The following SCAPER variants were observed in gnomAD, a reference collection of about 807,000 sequenced individuals.
The protein encoded by SCAPER is S-phase cyclin A associated protein in the ER.
A neutral mutation model predicts 182.2 loss-of-function variants in SCAPER; 98 were observed. The ratio of observed to expected loss-of-function variants is 0.54; its 90% CI spans 0.46 to 0.64. The LOEUF (loss-of-function observed/expected upper bound fraction) is 0.64, where lower values mean the gene tolerates loss of function less well. Among genes scored for constraint, SCAPER ranks in the 30% least tolerant of loss-of-function variants. The pLI, the probability that SCAPER is intolerant of heterozygous loss-of-function variation, is 0.00. For synonymous variants in SCAPER, 605 were observed against 564.6 expected (o/e 1.07, Z -1.01); for missense variants, 1,432 against 1,690.0 (o/e 0.85, Z 2.68).
intron 23 of SCAPER, among the ~76,000 whole-genome samples, chr15:76,571,846 A>G (rs1379710387): frequency 1.3e-5 from 2 of 152,204 alleles, no homozygotes; most frequent in Non-Finnish European, 1.5e-5. Context: ...GACTGAAATC[A>G]TAAATATCAT....
rs541341282 is a variant in SCAPER, at chr15:76,793,736, C to T, written c.772+1544G>A. 7.6e-4 allele frequency among the ~76,000 whole-genome samples: 116 copies of T among 152,228 alleles called. 1 individual carries two copies. Among genetic ancestry groups the T allele is most frequent in the African/African-American group, 2.6e-3 (110 of 41,524 alleles). On this transcript the variant is annotated intron_variant, in intron 8 of 31. Coordinates refer to ENST00000563290, the MANE Select transcript of SCAPER (RefSeq NM_020843.4). The stretch of plus-strand genomic sequence containing the variant: ...ATGTGTTTCCCTGACTTCTGTGAGC[C>T]ACTCTAGCAAATTAATCAAATCCAA...
In SCAPER at chr15:76,657,460, A is replaced by T. The variant is rs77861266; in HGVS notation, c.2645+8193T>A. On this transcript the variant is annotated intron_variant, in intron 21 of 31. Coordinates refer to ENST00000563290, the MANE Select transcript of SCAPER (RefSeq NM_020843.4). ...ACCAGATTTAGAGCCAGATTCCACCAAATGTATAAAGAAGAGCTGGTACTA... is the reference window on the plus strand; with the variant it reads ...ACCAGATTTAGAGCCAGATTCCACCTAATGTATAAAGAAGAGCTGGTACTA... Among the ~76,000 whole-genome samples the T allele has an allele frequency of 2.6e-3, 396 of 152,054 alleles. 2 individuals carry two copies. Among genetic ancestry groups the T allele is most frequent in the African/African-American group, 9.2e-3 (380 of 41,510 alleles).
chr15:76,579,577 A>C (rs1029188885), intron 22 of SCAPER, among the ~76,000 whole-genome samples: 6 of 152,016 alleles, frequency 3.9e-5, no homozygotes, highest in Admixed American at 1.3e-4. Context: ...ACACATTGCT[A>C]AAGAAAAATC....
intron 5 of SCAPER, among the ~76,000 whole-genome samples, chr15:76,812,126 C>T (rs1272464591): frequency 6.6e-6 from 1 of 151,966 alleles, no homozygotes; most frequent in East Asian, 1.9e-4. Context: ...CCAACCTGAC[C>T]AGTATGGTGA....
At chr15:76,574,311 T>C (rs1265999242) in intron 22 of SCAPER, 27 bp from the exon 23 acceptor site, 4 of 1,604,592 alleles carry the variant, frequency 2.5e-6, no homozygotes, top group African/African-American at 1.3e-5. Context: ...AAGGAAAGAA[T>C]GACATTAATG....
intron 25 of SCAPER, among the ~76,000 whole-genome samples, chr15:76,461,365 G>T (rs2049161972): frequency 6.6e-6 from 1 of 151,024 alleles, no homozygotes. Context: ...ATTATTTTGT[G>T]GGAAATTATT....
At chr15:76,533,366 A>T (rs1440939579) in intron 23 of SCAPER, among the ~76,000 whole-genome samples, 1 of 152,108 alleles carries the variant, frequency 6.6e-6, no homozygotes, top group Admixed American at 6.5e-5. Flanking sequence ...TATCTTTTCT[A>T]TGTTTAGATA....
At chr15:76,704,364 TG>T (rs1344515838) in intron 18 of SCAPER, among the ~76,000 whole-genome samples, 2 of 152,220 alleles carry the variant, frequency 1.3e-5, no homozygotes, top group African/African-American at 2.4e-5. Context: ...TTGTGGCCAT[TG>T]CTTTTGGTGT....
At chr15:76,715,697 G>A (rs1567896042) in intron 17 of SCAPER, among the ~76,000 whole-genome samples, 1 of 152,006 alleles carries the variant, frequency 6.6e-6, no homozygotes, top group Non-Finnish European at 1.5e-5. Flanking sequence ...AGTTGGTTCT[G>A]GATCCCAAAT....
intron 14 of SCAPER, among the ~76,000 whole-genome samples, chr15:76,763,058 T>C (rs188513056): frequency 6.6e-6 from 1 of 152,348 alleles, no homozygotes; most frequent in East Asian, 1.9e-4. Flanking sequence ...GAGCTTTACA[T>C]ACTTTCCTTC....
At chr15:76,606,365 A>T (rs1315460124) in intron 22 of SCAPER, among the ~76,000 whole-genome samples, 5 of 152,112 alleles carry the variant, frequency 3.3e-5, no homozygotes. Context: ...TTCTAGTTTG[A>T]CTGCACTGTG....
intron 27 of SCAPER, among the ~76,000 whole-genome samples, chr15:76,387,653 G>C (rs1397034540): frequency 6.6e-6 from 1 of 152,186 alleles, no homozygotes; most frequent in African/African-American, 2.4e-5. Flanking sequence ...ATAGTCACCA[G>C]TAGGGTAAGA....
intron 8 of SCAPER, among the ~76,000 whole-genome samples, chr15:76,791,524 T>C (rs146492144): frequency 1.5e-3 from 234 of 152,136 alleles, no homozygotes; most frequent in African/African-American, 2.5e-3. Flanking sequence ...GAAACAGATA[T>C]TAGAATTCAG....
At chr15:76,881,161 T>C (rs1027030042) in intron 2 of SCAPER, among the ~76,000 whole-genome samples, 2 of 152,220 alleles carry the variant, frequency 1.3e-5, no homozygotes, top group Non-Finnish European at 2.9e-5. Flanking sequence ...AGTGATATGA[T>C]CATGGCTCAC....
intron 5 of SCAPER, among the ~76,000 whole-genome samples, chr15:76,825,346 A>C (rs2067916922): frequency 6.6e-6 from 1 of 152,190 alleles, no homozygotes; most frequent in South Asian, 2.1e-4. Context: ...AACAGCCAGC[A>C]CAAATACCAC....
intron 2 of SCAPER, among the ~76,000 whole-genome samples, chr15:76,866,726 T>C (rs550947854): frequency 6.6e-4 from 100 of 152,286 alleles, no homozygotes; most frequent in South Asian, 2.1e-4. Context: ...AAAATGTCAG[T>C]AGTAATGTAA....
At chr15:76,489,628 A>T (rs887267749) in intron 24 of SCAPER, among the ~76,000 whole-genome samples, 1 of 152,016 alleles carries the variant, frequency 6.6e-6, no homozygotes, top group Non-Finnish European at 1.5e-5. Context: ...TTAAAATTTT[A>T]TATTTATTTT....
intron 27 of SCAPER, among the ~76,000 whole-genome samples, chr15:76,382,579 C>T (rs764662265): frequency 4.9e-4 from 74 of 152,148 alleles, no homozygotes; most frequent in Non-Finnish European, 6.8e-4. Context: ...AGCATTCACC[C>T]TTTTAAACAG....
intron 1 of SCAPER, among the ~76,000 whole-genome samples, chr15:76,899,701 C>T (rs2074650406): frequency 6.6e-6 from 1 of 151,112 alleles, no homozygotes; most frequent in Admixed American, 6.6e-5. Flanking sequence ...GGCCGCCACC[C>T]CGTCTAGGAA....
Sources: gnomAD v4.1 joint callset for allele counts (sites outside exome capture counted in the v4.1 genomes callset) on GRCh38, gnomAD v4.1.1 for gene constraint, MANE v1.5 for transcripts, NCBI Gene and HGNC (gene_info 2026-07-23, HGNC 2026-07-21) for gene names.